The following CEP72 variants were observed in gnomAD, a reference collection of about 807,000 sequenced individuals.
CEP72 encodes the protein centrosomal protein of 72 kDa.
In CEP72, 78 loss-of-function variants were observed where a neutral mutation model predicts 65.7. The observed-to-expected ratio is 1.19, with a 90% CI of 0.99 to 1.43. CEP72 has a LOEUF of 1.43. Ranked by LOEUF, CEP72 falls within the 40% of genes most tolerant of loss-of-function variation. The probability of loss-of-function intolerance (pLI) is 0.00; values close to 1 mark genes in which losing one functional copy is unlikely to be tolerated. For synonymous variants in CEP72, 358 were observed against 351.7 expected (o/e 1.02, Z -0.20); for missense variants, 914 against 832.9 (o/e 1.10, Z -1.20).
At chr5:651,261 CTG>C (rs1254756820) in intron 11 of CEP72, among the ~76,000 whole-genome samples, 1 of 105,456 alleles carries the variant, frequency 9.5e-6, no homozygotes, top group South Asian at 3.2e-4. Context: ...TGAGGTGTGA[CTG>C]TGAGGCGTGG....
In CEP72 at chr5:637,533, G is replaced by A. The variant is rs759830461; in HGVS notation, c.921G>A (p.Glu307=). 17 of 1,613,516 alleles carry A rather than the reference G, an allele frequency of 1.1e-5. No individual in the cohort carries two copies. The highest frequency in any genetic ancestry group is 6.7e-5 in the Admixed American group (4 of 59,986). The change falls in exon 7 of 12, where the codon GAG becomes GAA. Residue 307 remains glutamate (E), a synonymous_variant. Transcript: ENST00000264935. ...FTPHPDSMDT[E]DSASSQKLDL... ...ATATCTCAGACTCCATGGATACCGA[G>A]GACTCGGCCTCTTCTCAGAAGTTGG... is the stretch of plus-strand genomic sequence containing the variant.
chr5:621,344 G>A (rs576743047), intron 3 of CEP72, among the ~76,000 whole-genome samples: 15 of 152,358 alleles, frequency 9.8e-5, no homozygotes, highest in African/African-American at 2.6e-4. Flanking sequence ...CCCACTGCGA[G>A]TGCCCTGAAC....
rs1310499556 is a variant in CEP72, at chr5:648,345, A to G, written c.1778+429A>G. Among the ~76,000 whole-genome samples the G allele has an allele frequency of 1.3e-3, 114 of 91,062 alleles. 3 individuals are homozygous for G. Among genetic ancestry groups the G allele is most frequent in the African/African-American group, 4.5e-3 (96 of 21,562 alleles). The allele number at this position is 91,062 out of a possible 152,430, so 59.7% of individuals were successfully genotyped here. ...TGTGAGGCATGGACTGTGAGGTGTGACTGTGAGGTGTGACTGTGAGGTGTG... is the reference window on the plus strand; with the variant it reads ...TGTGAGGCATGGACTGTGAGGTGTGGCTGTGAGGTGTGACTGTGAGGTGTG... On this transcript the variant is annotated intron_variant, in intron 11 of 11. Transcript: ENST00000264935.
chr5:624,458 C>T lies in CEP72; in HGVS notation c.404-13C>T, dbSNP rs369455408. The T allele has an allele frequency of 6.2e-7, 1 of 1,608,222 alleles. No individual in the cohort carries two copies. The highest frequency in any genetic ancestry group is 2.2e-5 in the East Asian group (1 of 44,856). On this transcript the variant is annotated splice_polypyrimidine_tract_variant and intron_variant, in intron 3 of 11. Transcript: ENST00000264935. This position sits in a 1 kb window ranked among gnomAD's most constrained non-coding sequence, Gnocchi z 4.7. ...TTGCCACCTGCACAGTCTTGTGTGGCCTTTTCTTCTAGACGATCGCCCCGT... is the reference window on the plus strand; with the variant it reads ...TTGCCACCTGCACAGTCTTGTGTGGTCTTTTCTTCTAGACGATCGCCCCGT...
chr5:663,472 A>G (rs1345996652), exon 2 of CEP72: 1 of 152,310 alleles, frequency 6.6e-6, no homozygotes, highest in Non-Finnish European at 1.5e-5. Context: ...CCCCATCCTC[A>G]GGTGGAGGCT....
At chr5:664,723 T>TG (rs1739822443) in intron 2 of CEP72, 2 of 211,008 alleles carry the variant, frequency 9.5e-6, no homozygotes, top group East Asian at 2.6e-4. Context: ...TCAGGGCTCC[T>TG]GGAAGGTGTC....
At chr5:614,575 A>G (rs1243092718) in intron 1 of CEP72, among the ~76,000 whole-genome samples, 1 of 150,974 alleles carries the variant, frequency 6.6e-6, no homozygotes, top group East Asian at 2.0e-4. Context: ...CAGCCTCCCG[A>G]GTAGCTGGAA....
the CEP72 span, among the ~76,000 whole-genome samples, chr5:672,287 TCA>T: frequency 2.0e-5 from 3 of 151,308 alleles, no homozygotes; most frequent in East Asian, 5.8e-4. Flanking sequence ...CCTGCTGTTC[TCA>T]GTCTCCCACT....
rs375996385 is a variant in CEP72 at position 650,227 on chromosome 5, G to A, written c.1778+2311G>A. ...GGACTGTGAGGTGTGACTGTGAGGC[G>A]TGGACTGTGAGGCGTGGACTGTGAG... On this transcript the variant is annotated intron_variant, in intron 11 of 11. Transcript: ENST00000264935. Among the ~76,000 whole-genome samples, 764 of 96,258 alleles carry A rather than the reference G, an allele frequency of 7.9e-3. 36 individuals are homozygous for A. The highest frequency in any genetic ancestry group is 0.011 in the African/African-American group (231 of 21,502). The allele number at this position is 96,258 out of a possible 152,430, so 63.1% of individuals were successfully genotyped here.
intron 4 of CEP72, 95 bp from the exon 5 acceptor site, chr5:633,674 C>CA: frequency 8.1e-7 from 1 of 1,230,978 alleles, no homozygotes. Flanking sequence ...CTGCTTCTCT[C>CA]AGAGACCGTG....
chr5:641,271 C>A, intron 9 of CEP72: 5 of 985,454 alleles, frequency 5.1e-6, no homozygotes, highest in Non-Finnish European at 6.0e-6. Flanking sequence ...CTGCTGGCAT[C>A]CTTAGCACAG....
rs777182950 is a variant in CEP72, at chr5:647,915, A to G, written c.1777A>G (p.Ser593Gly). 2 of 1,607,364 alleles carry G rather than the reference A, an allele frequency of 1.2e-6. No individual in the cohort carries two copies. The highest frequency in any genetic ancestry group is 1.1e-5 in the South Asian group (1 of 90,532). ...ELTQMLQESH[S>G]SLVSTNEHLL... ...CACGCAGATGCTGCAGGAGAGCCAC[A>G]GGTGCCTGCCCGTGAGACTTGGGTG... Residue 593 changes from serine (S) to glycine (G), a missense_variant and splice_region_variant, in exon 11 of 12, where the codon AGC (serine) becomes GGC (glycine). Coordinates refer to ENST00000264935, the MANE Select transcript of CEP72 (RefSeq NM_018140.4).
intron 11 of CEP72, among the ~76,000 whole-genome samples, chr5:649,598 C>G (rs1321162195): frequency 1.2e-5 from 1 of 86,902 alleles, no homozygotes; most frequent in African/African-American, 4.6e-5. Flanking sequence ...TGAGGCGTGA[C>G]TGTGAGGCGT....
At chr5:625,136 A>G in intron 4 of CEP72, among the ~76,000 whole-genome samples, 1 of 152,142 alleles carries the variant, frequency 6.6e-6, no homozygotes, top group Admixed American at 6.5e-5. Context: ...TTGCAGCCCC[A>G]GCCCTGCTGC....
At chr5:661,746 G>A (rs1191059204), downstream of CEP72, 2 of 152,422 alleles carry the variant, frequency 1.3e-5, no homozygotes. Flanking sequence ...GTAACTGACA[G>A]TGGTGACCAC....
intron 4 of CEP72, among the ~76,000 whole-genome samples, chr5:625,304 TTTGTC>T (rs1206932459): frequency 6.6e-6 from 1 of 152,236 alleles, no homozygotes; most frequent in Non-Finnish European, 1.5e-5. Context: ...TTGAGTACCA[TTTGTC>T]TTGTCTGAGG....
At position 651,296 on chromosome 5, in the gene CEP72, T is replaced by C. The variant is rs145429521; in HGVS notation, c.1779-1692T>C. Among the ~76,000 whole-genome samples the C allele has an allele frequency of 3.4e-3, 174 of 50,818 alleles. 9 individuals carry two copies. The highest frequency in any genetic ancestry group is 0.014 in the Middle Eastern group (1 of 74). 33.3% of individuals were successfully genotyped at this position (50,818 alleles called of 152,430 possible). A position where few individuals can be genotyped will look rare whatever the true frequency, so the allele number is the denominator to read the frequency against. ...TGGACTGTGAGGTGTGACTGTGAGG[T>C]GTGACTGTGAGGTGTGACTGTGAGG... On this transcript the variant is annotated intron_variant, in intron 11 of 11. Coordinates refer to ENST00000264935, the MANE Select transcript of CEP72 (RefSeq NM_018140.4).
intron 1 of CEP72, among the ~76,000 whole-genome samples, chr5:614,945 C>G (rs1189493400): frequency 6.6e-6 from 1 of 151,706 alleles, no homozygotes; most frequent in Non-Finnish European, 1.5e-5. Context: ...CTTCTGTATC[C>G]TTGCTGATTT....
intron 1 of CEP72, among the ~76,000 whole-genome samples, chr5:615,463 T>C (rs1469167114): frequency 3.3e-5 from 5 of 152,190 alleles, no homozygotes; most frequent in Non-Finnish European, 1.5e-5. Context: ...TAATTTTCTT[T>C]GTTGAGACAT....
Sources: gnomAD v4.1 joint callset for allele counts (sites outside exome capture counted in the v4.1 genomes callset) on GRCh38, gnomAD v4.1.1 for gene constraint, Gnocchi (gnomAD v3.1) non-coding constraint, MANE v1.5 for transcripts, NCBI Gene and HGNC (gene_info 2026-07-23, HGNC 2026-07-21) for gene names.